RBM47: variants seen among roughly 807,000 people sequenced by gnomAD.
RBM47 encodes RNA-binding protein 47.
In RBM47, 21 loss-of-function variants were observed where a neutral mutation model predicts 47.1. The ratio of observed to expected loss-of-function variants is 0.45; its 90% CI spans 0.32 to 0.64. The LOEUF is 0.64. Among genes scored for constraint, RBM47 ranks in the 30% least tolerant of loss-of-function variants. The pLI, the probability that RBM47 is intolerant of heterozygous loss-of-function variation, is 0.05. For synonymous variants in RBM47, 375 were observed against 361.7 expected (o/e 1.04, Z -0.42); for missense variants, 708 against 870.9 (o/e 0.81, Z 2.35).
At chr4:40,593,067 C>T (rs1427770276) in intron 1 of RBM47, among the ~76,000 whole-genome samples, 3 of 128,860 alleles carry the variant, frequency 2.3e-5, no homozygotes, top group Non-Finnish European at 3.1e-5. Flanking sequence ...GCGATTTTGG[C>T]TCACTGCAAG....
chr4:40,501,232 T>C (rs1291008187), intron 2 of RBM47, among the ~76,000 whole-genome samples: 3 of 152,206 alleles, frequency 2.0e-5, no homozygotes, highest in Non-Finnish European at 4.4e-5. Context: ...ATCCTTGCAA[T>C]GTAGCATCAT....
At chr4:40,555,156 C>G (rs946165579) in intron 1 of RBM47, among the ~76,000 whole-genome samples, 1 of 152,156 alleles carries the variant, frequency 6.6e-6, no homozygotes, top group East Asian at 1.9e-4. Context: ...AGGCTGGCCT[C>G]GAACTCCTGA....
intron 1 of RBM47, among the ~76,000 whole-genome samples, chr4:40,569,394 C>T (rs954181638): frequency 5.3e-5 from 8 of 151,424 alleles, no homozygotes; most frequent in Non-Finnish European, 8.9e-5. Flanking sequence ...AAACCATGAA[C>T]TTAGAATTCT....
chr4:40,561,356 T>C (rs112255879), intron 1 of RBM47, among the ~76,000 whole-genome samples: 14 of 149,152 alleles, frequency 9.4e-5, no homozygotes, highest in African/African-American at 3.4e-4. Flanking sequence ...CTCAGCATCA[T>C]AAGTAGCTCG....
intron 3 of RBM47, among the ~76,000 whole-genome samples, chr4:40,453,031 G>A (rs1715687545): frequency 6.6e-6 from 1 of 151,570 alleles, no homozygotes. Flanking sequence ...TTTAGAGACG[G>A]GGTTTCACCA....
At chr4:40,497,398 G>A (rs1056421384) in intron 2 of RBM47, among the ~76,000 whole-genome samples, 6 of 152,132 alleles carry the variant, frequency 3.9e-5, no homozygotes, top group Admixed American at 2.0e-4. Context: ...GTGGAGGGTC[G>A]CTTGAGCCCA....
At chr4:40,479,391 C>T (rs1192535724) in intron 2 of RBM47, among the ~76,000 whole-genome samples, 1 of 151,938 alleles carries the variant, frequency 6.6e-6, no homozygotes, top group Admixed American at 6.6e-5. Context: ...TTGCTTGAGC[C>T]CAGGAGTTCA....
chr4:40,511,934 CAA>C (rs769931419), intron 2 of RBM47, among the ~76,000 whole-genome samples: 14 of 85,428 alleles, frequency 1.6e-4, no homozygotes, highest in Admixed American at 4.0e-4. Flanking sequence ...GACTCTGTCT[CAA>C]AAAAAAAAAA....
At chr4:40,546,661 TG>T (rs1729067366) in intron 1 of RBM47, among the ~76,000 whole-genome samples, 1 of 152,216 alleles carries the variant, frequency 6.6e-6, no homozygotes, top group Non-Finnish European at 1.5e-5. Context: ...TAACTAAGGT[TG>T]AGCTTCTGAT....
chr4:40,480,226 C>T (rs1720201452), intron 2 of RBM47, among the ~76,000 whole-genome samples: 1 of 152,072 alleles, frequency 6.6e-6, no homozygotes, highest in Non-Finnish European at 1.5e-5. Context: ...GATCCATCTG[C>T]CTCGGCCTCC....
At chr4:40,477,173 A>G (rs1719737486) in intron 2 of RBM47, among the ~76,000 whole-genome samples, 1 of 152,164 alleles carries the variant, frequency 6.6e-6, no homozygotes, top group Non-Finnish European at 1.5e-5. Flanking sequence ...ACACAGTGAG[A>G]CTCCGTCTCG....
chr4:40,489,853 T>C (rs1412025465), intron 2 of RBM47, among the ~76,000 whole-genome samples: 1 of 152,200 alleles, frequency 6.6e-6, no homozygotes, highest in Admixed American at 6.5e-5. Flanking sequence ...GACAAAGTTA[T>C]CAGAAAATGA....
intron 2 of RBM47, among the ~76,000 whole-genome samples, chr4:40,506,708 T>C (rs1407970500): frequency 1.3e-5 from 2 of 152,220 alleles, no homozygotes. Context: ...CATTTGTACC[T>C]ACCTTGGGTG....
intron 2 of RBM47, among the ~76,000 whole-genome samples, chr4:40,471,395 CGTTTAAAAAATATACAATTTG>C (rs965526544): frequency 1.3e-5 from 2 of 151,942 alleles, no homozygotes; most frequent in African/African-American, 2.4e-5. Flanking sequence ...GCAAAGGGAC[CGTTTAAAAAATATACAATTTG>C]GTCAGGCGCA....
chr4:40,502,704 G>A (rs1346808043), intron 2 of RBM47, among the ~76,000 whole-genome samples: 1 of 152,040 alleles, frequency 6.6e-6, no homozygotes, highest in East Asian at 1.9e-4. Context: ...AAGTCAGCCA[G>A]GTGTGGTGAC....
intron 1 of RBM47, among the ~76,000 whole-genome samples, chr4:40,573,807 A>AAAAAAGAAAGAAAGAAAG (rs1732011046): frequency 7.3e-6 from 1 of 136,662 alleles, no homozygotes; most frequent in African/African-American, 3.0e-5. Context: ...GAAAGAAAGA[A>AAAAAAGAAAGAAAGAAAG]AAAGAAAGAA....
At chr4:40,489,031 G>C (rs761920068) in intron 2 of RBM47, among the ~76,000 whole-genome samples, 18 of 152,126 alleles carry the variant, frequency 1.2e-4, no homozygotes, top group Non-Finnish European at 2.9e-5. Context: ...TTTTGCCCCA[G>C]AATCACAATG....
intron 2 of RBM47, among the ~76,000 whole-genome samples, chr4:40,478,784 C>G (rs957060555): frequency 2.6e-5 from 4 of 152,296 alleles, no homozygotes; most frequent in African/African-American, 9.6e-5. Context: ...CCATGCCCAG[C>G]CTACTTTTTA....
intron 2 of RBM47, among the ~76,000 whole-genome samples, chr4:40,536,601 T>C (rs1186577091): frequency 1.3e-5 from 2 of 152,198 alleles, no homozygotes. Flanking sequence ...ACCTCTTCCG[T>C]TTAGGTAGAC....
Sources: gnomAD v4.1 joint callset for allele counts (sites outside exome capture counted in the v4.1 genomes callset) on GRCh38, gnomAD v4.1.1 for gene constraint, MANE v1.5 for transcripts, NCBI Gene and HGNC (gene_info 2026-07-23, HGNC 2026-07-21) for gene names.